Variants in NF1 observed in about 807,000 individuals in gnomAD.
The protein encoded by NF1 is neurofibromin 1, also known as neurofibromin.
NF1 carries 122 observed loss-of-function variants against 325.7 expected under a neutral mutation model. The ratio of observed to expected loss-of-function variants is 0.37; its 90% CI spans 0.32 to 0.44. The LOEUF (loss-of-function observed/expected upper bound fraction) is 0.44. Ranked by LOEUF, NF1 falls within the 20% of genes least tolerant of loss-of-function variation. The pLI is 1.00. For synonymous variants in NF1, 1,091 were observed against 1,186.0 expected (o/e 0.92, Z 1.65); for missense variants, 2,140 against 3,415.4 (o/e 0.63, Z 9.31).
chr17:31,231,558 T>C (rs2067113090), intron 24 of NF1, among the ~76,000 whole-genome samples: 1 of 152,206 alleles, frequency 6.6e-6, no homozygotes, highest in Non-Finnish European at 1.5e-5. Flanking sequence ...TAAGATGTCA[T>C]AGTATTTGCA....
intron 12 of NF1, among the ~76,000 whole-genome samples, chr17:31,214,218 T>C (rs2066779368): frequency 6.6e-6 from 1 of 151,986 alleles, no homozygotes. Flanking sequence ...TTCATTGTTT[T>C]ATTAGATTGA....
Position 31,336,068 on chromosome 17 carries a change from C to G in NF1, c.6007-265C>G, listed in dbSNP as rs547820332. Among the ~76,000 whole-genome samples the G allele has an allele frequency of 2.6e-5, 4 of 152,138 alleles. No individual in the cohort carries two copies. The South Asian group carries it at 8.3e-4, about 32-fold the overall frequency. On this transcript the variant is annotated intron_variant, in intron 40 of 57. Transcript: ENST00000358273. The surrounding 1 kb of genome is among the most constrained non-coding windows in gnomAD (Gnocchi z 5.5). ...AAGCATAGAGATACTTTGCAAGTGA[C>G]TGAAGATAGTATTGATAGAGATTTA...
At chr17:31,234,136 C>T (rs1365832559) in intron 27 of NF1, among the ~76,000 whole-genome samples, 1 of 152,170 alleles carries the variant, frequency 6.6e-6, no homozygotes, top group Non-Finnish European at 1.5e-5. Flanking sequence ...TACCCTCTAA[C>T]AGATTTTTAA....
intron 12 of NF1, among the ~76,000 whole-genome samples, chr17:31,213,995 T>C (rs1168725209): frequency 6.6e-6 from 1 of 152,174 alleles, no homozygotes; most frequent in Non-Finnish European, 1.5e-5. Context: ...GGACATCAAA[T>C]AATGATGCAT....
rs1555533619 is a variant in NF1, at chr17:31,327,742, T to C, written c.5512T>C (p.Ser1838Pro). The C allele has an allele frequency of 6.2e-7, 1 of 1,614,136 alleles. No homozygotes were observed. The highest frequency in any genetic ancestry group is 8.5e-7 in the Non-Finnish European group (1 of 1,179,982). ...RTRWELSQPD[S>P]IPQHTKIRPK... ...CCGCTGGGAACTGTCACAGCCCGAC[T>C]CTATCCCCCAACACACCAAGATTCG... The change falls in exon 38 of 58, where the codon TCT (serine) becomes CCT (proline). Residue 1838 changes from serine (S) to proline (P), a missense_variant. Ser to Pro is a moderately conservative substitution (Grantham distance 74). Around this residue, in one of 10 missense-constraint regions of NF1, gnomAD observed 147 missense variants for 186.7 expected, o/e 0.79. Coordinates refer to ENST00000358273, the MANE Select transcript of NF1 (RefSeq NM_001042492.3).
chr17:31,236,622 T>C (rs987804310), intron 29 of NF1, among the ~76,000 whole-genome samples: 1 of 146,582 alleles, frequency 6.8e-6, no homozygotes, highest in Non-Finnish European at 1.5e-5. Flanking sequence ...TTTTTTTTTT[T>C]GTATTTTTAA....
chr17:31,263,019 TTAGA>T (rs914398266), intron 35 of NF1, among the ~76,000 whole-genome samples: 8,332 of 92,552 alleles, frequency 0.09, 428 homozygotes, highest in African/African-American at 0.17. Flanking sequence ...CTTGTCTTTA[TTAGA>T]TAGATAGATA....
intron 7 of NF1, 128 bp downstream of exon 7, chr17:31,181,913 G>C: frequency 1.4e-6 from 1 of 704,270 alleles, no homozygotes; most frequent in East Asian, 2.6e-5. Flanking sequence ...TTGTCAACTG[G>C]TGTCAAATAG....
Position 31,337,840 on chromosome 17 carries a change from A to T in NF1, c.6664A>T (p.Thr2222Ser), listed in dbSNP as rs745945481. The T allele has an allele frequency of 6.2e-7, 1 of 1,614,020 alleles. No homozygotes were observed. Among genetic ancestry groups the T allele is most frequent in the Non-Finnish European group, 8.5e-7 (1 of 1,179,914 alleles). Residue 2222 changes from threonine (T) to serine (S), a missense_variant, in exon 44 of 58, where the codon ACG becomes TCG. Physicochemically the swap from Thr to Ser is moderately conservative, Grantham distance 58. Around this residue, in one of 10 missense-constraint regions of NF1, gnomAD observed 522 missense variants for 749.0 expected, o/e 0.70. Coordinates refer to ENST00000358273, the MANE Select transcript of NF1 (RefSeq NM_001042492.3). The part of the protein sequence containing the change: ...IMEACMRDIP[T>S]CKWLDQWTEL... ...TTAGGCATGCATGAGAGATATTCCA[A>T]CGTGCAAGTGGCTGGACCAGTGGAC...
intron 1 of NF1, among the ~76,000 whole-genome samples, chr17:31,129,949 G>A (rs1915212889): frequency 6.6e-6 from 1 of 152,116 alleles, no homozygotes; most frequent in Non-Finnish European, 1.5e-5. Flanking sequence ...ACCCTTGCCG[G>A]AGAGCTAGTG....
intron 1 of NF1, among the ~76,000 whole-genome samples, chr17:31,141,095 A>T (rs1021893667): frequency 6.6e-6 from 1 of 152,236 alleles, no homozygotes; most frequent in African/African-American, 2.4e-5. Flanking sequence ...AGCTGCTTGT[A>T]ACACTTACAC....
rs377550616 is a variant in NF1, at chr17:31,188,344, T to A, written c.888+5679T>A. On this transcript the variant is annotated intron_variant, in intron 8 of 57. Transcript: ENST00000358273. ...TGTATACACCTGTACTAAGAAAATA[T>A]CTTCATTTTATTTCCTTTTTCTTTT... Among the ~76,000 whole-genome samples, 10 of 152,322 alleles carry A rather than the reference T, an allele frequency of 6.6e-5. 1 individual carries two copies. The highest frequency in any genetic ancestry group is 6.8e-3 in the Middle Eastern group (2 of 294).
At chr17:31,328,758 G>A (rs1263387253) in intron 38 of NF1, among the ~76,000 whole-genome samples, 1 of 152,032 alleles carries the variant, frequency 6.6e-6, no homozygotes, top group Non-Finnish European at 1.5e-5. Flanking sequence ...ACATAGCCCA[G>A]GTTTTATAGT....
At chr17:31,345,338 C>T (rs899521032) in intron 48 of NF1, among the ~76,000 whole-genome samples, 8 of 152,184 alleles carry the variant, frequency 5.3e-5, no homozygotes, top group African/African-American at 1.7e-4. Context: ...TCGGTCCCGG[C>T]GCTGGGCTGA....
At chr17:31,303,074 A>G in intron 36 of NF1, among the ~76,000 whole-genome samples, 1 of 152,204 alleles carries the variant, frequency 6.6e-6, no homozygotes, top group African/African-American at 2.4e-5. Flanking sequence ...CTTATTAAAT[A>G]TGGAGCTTTG....
chr17:31,173,535 T>C (rs1332828319), intron 5 of NF1, among the ~76,000 whole-genome samples: 2 of 150,136 alleles, frequency 1.3e-5, no homozygotes, highest in Non-Finnish European at 3.0e-5. Context: ...GAGATGGAGG[T>C]TGTAGTGAGC....
At chr17:31,149,568 A>G (rs1315374423) in intron 1 of NF1, among the ~76,000 whole-genome samples, 1 of 152,184 alleles carries the variant, frequency 6.6e-6, no homozygotes, top group Non-Finnish European at 1.5e-5. Context: ...AGAAAGATTT[A>G]TTCAGACCAG....
In NF1 at chr17:31,356,340, T is replaced by G. The variant is rs1052595827; in HGVS notation, c.7616-120T>G. 4.0e-6 allele frequency: 4 copies of G among 1,006,826 alleles called. No homozygotes were observed. The African/African-American group carries it at 6.4e-5, about 16-fold the overall frequency. 62.4% of individuals were successfully genotyped at this position (1,006,826 alleles called of 1,614,324 possible). On this transcript the variant is annotated intron_variant, in intron 51 of 57. Coordinates refer to ENST00000358273, the MANE Select transcript of NF1 (RefSeq NM_001042492.3). ...AACTGCTCCAGGGATGTATTAGAGC[T>G]TTCTTTGAGTCCTCAGTGAAAGCTT...
intron 12 of NF1, among the ~76,000 whole-genome samples, chr17:31,210,143 A>G (rs895542728): frequency 3.9e-5 from 6 of 152,226 alleles, no homozygotes; most frequent in Non-Finnish European, 8.8e-5. Flanking sequence ...TTCACTAGCA[A>G]GTTAGCTTGA....
Sources: allele counts gnomAD v4.1 joint callset (sites outside exome capture counted in the v4.1 genomes callset), GRCh38; gene constraint gnomAD v4.1.1; regional missense constraint gnomAD v4.1.1; non-coding constraint Gnocchi (gnomAD v3.1); transcripts MANE v1.5; gene names NCBI Gene and HGNC (gene_info 2026-07-23, HGNC 2026-07-21).